NALCN: variants seen among roughly 807,000 people sequenced by gnomAD.
NALCN encodes sodium leak channel, non-selective, also known as sodium leak channel NALCN.
In NALCN, 111 loss-of-function variants were observed where a neutral mutation model predicts 225.3. The ratio of observed to expected loss-of-function variants is 0.49; its 90% CI spans 0.42 to 0.58. The LOEUF is 0.58. Ranked by LOEUF, NALCN falls within the 20% of genes least tolerant of loss-of-function variation. The pLI is 0.00. For missense variants in NALCN, 1,378 were observed against 2,202.4 expected, an observed-to-expected ratio of 0.63 and a Z score of 7.49; for synonymous variants, 764 against 769.0, an observed-to-expected ratio of 0.99 and a Z score of 0.11.
At chr13:101,376,353 T>C (rs2046688778) in intron 6 of NALCN, among the ~76,000 whole-genome samples, 1 of 151,888 alleles carries the variant, frequency 6.6e-6, no homozygotes, top group Non-Finnish European at 1.5e-5. Flanking sequence ...CTTTAAAAAT[T>C]GGACAAAACA....
chr13:101,347,463 A>G (rs2045777483), intron 6 of NALCN, among the ~76,000 whole-genome samples: 1 of 152,204 alleles, frequency 6.6e-6, no homozygotes, highest in Non-Finnish European at 1.5e-5. Context: ...CACATCGTGT[A>G]TATCTCCCCA....
Position 101,229,649 on chromosome 13 carries a change from A to G in NALCN, c.1435-65T>C, listed in dbSNP as rs190130215. ...CATTTATTTACACTGAATCTTAAAT[A>G]TATTCATACTAAAATATTATTTTAT... is the stretch of plus-strand genomic sequence containing the variant. On this transcript the variant is annotated intron_variant, in intron 12 of 43. Transcript: ENST00000251127. 2.5e-5 allele frequency: 32 copies of G among 1,261,920 alleles called. No homozygotes were observed. In the African/African-American group the frequency reaches 4.3e-4, roughly 17 times the overall value. 78.2% of individuals were successfully genotyped at this position (1,261,920 alleles called of 1,614,324 possible).
At chr13:101,178,673 T>C (rs1160507847) in intron 14 of NALCN, among the ~76,000 whole-genome samples, 2 of 152,136 alleles carry the variant, frequency 1.3e-5, no homozygotes, top group Admixed American at 1.3e-4. Flanking sequence ...TAATTTTCCT[T>C]TGGATAAAGG....
chr13:101,334,796 A>G (rs2045323388), intron 7 of NALCN, among the ~76,000 whole-genome samples: 1 of 152,162 alleles, frequency 6.6e-6, no homozygotes. Flanking sequence ...GGAAAGACTG[A>G]AAACCACTTA....
chr13:101,287,707 C>T (rs937706279), intron 9 of NALCN, among the ~76,000 whole-genome samples: 2 of 152,240 alleles, frequency 1.3e-5, no homozygotes, highest in Non-Finnish European at 2.9e-5. Flanking sequence ...CATTTGGAAG[C>T]GCATGGAGAT....
At chr13:101,362,948 A>C (rs184464371) in intron 6 of NALCN, among the ~76,000 whole-genome samples, 197 of 152,240 alleles carry the variant, frequency 1.3e-3, no homozygotes, top group African/African-American at 4.4e-3. Context: ...CCAACAGTGA[A>C]CAATCTGAAA....
chr13:101,413,627 G>A (rs1421547762), intron 1 of NALCN, among the ~76,000 whole-genome samples: 1 of 152,010 alleles, frequency 6.6e-6, no homozygotes, highest in Non-Finnish European at 1.5e-5. Flanking sequence ...CCCTTAAAAA[G>A]ACTACAAAAA....
chr13:101,219,299 C>T (rs934490486), intron 13 of NALCN, among the ~76,000 whole-genome samples: 2 of 152,092 alleles, frequency 1.3e-5, no homozygotes, highest in African/African-American at 4.8e-5. Flanking sequence ...GCAGACGCTT[C>T]TGATTGGATA....
intron 3 of NALCN, among the ~76,000 whole-genome samples, chr13:101,379,768 A>G (rs1369839359): frequency 2.0e-5 from 3 of 152,156 alleles, no homozygotes. Flanking sequence ...AACGTAGATG[A>G]CAGGTTGATG....
intron 30 of NALCN, among the ~76,000 whole-genome samples, chr13:101,087,383 G>A (rs2033984064): frequency 6.6e-6 from 1 of 151,830 alleles, no homozygotes; most frequent in Non-Finnish European, 1.5e-5. Context: ...TCAGTGTCAA[G>A]AGCAGCCTCT....
At chr13:101,413,401 T>C (rs1041130510) in intron 1 of NALCN, among the ~76,000 whole-genome samples, 1 of 152,098 alleles carries the variant, frequency 6.6e-6, no homozygotes, top group African/African-American at 2.4e-5. Context: ...GGACACTGTT[T>C]ATAATGATGA....
chr13:101,151,385 T>G (rs1208068780), intron 15 of NALCN, among the ~76,000 whole-genome samples: 1 of 152,222 alleles, frequency 6.6e-6, no homozygotes, highest in Non-Finnish European at 1.5e-5. Context: ...AAATAAAAAT[T>G]TTTGTAATTT....
intron 18 of NALCN, among the ~76,000 whole-genome samples, chr13:101,112,608 T>C (rs1003905657): frequency 1.3e-5 from 2 of 152,246 alleles, no homozygotes; most frequent in African/African-American, 4.8e-5. Context: ...GAGAAAGCCT[T>C]GCTCTGAAAG....
rs549692644 is a variant in NALCN, at chr13:101,355,902, A to G, written c.645-10482T>C. ...AACTCAGGATTAAGAAACTCACTCA[A>G]AACAACACAATTACAAGGAAATTGA... On this transcript the variant is annotated intron_variant, in intron 6 of 43. Coordinates refer to ENST00000251127, the MANE Select transcript of NALCN (RefSeq NM_052867.4). 9.9e-4 allele frequency among the ~76,000 whole-genome samples: 151 copies of G among 152,326 alleles called. 5 individuals carry two copies. The South Asian group carries it at 0.03, about 30-fold the overall frequency.
chr13:101,221,221 T>C (rs898216858), intron 13 of NALCN, among the ~76,000 whole-genome samples: 1 of 152,050 alleles, frequency 6.6e-6, no homozygotes, highest in East Asian at 1.9e-4. Flanking sequence ...CTGGTTCAAA[T>C]GATTCTCCTG....
Position 101,376,547 on chromosome 13 carries a change from C to T in NALCN, c.644+153G>A, listed in dbSNP as rs6491605. ...AAAATAAAATAAAATAAAATAAAAA[C>T]TGGACAAAAACAATACCGAGGAAGC... On this transcript the variant is annotated intron_variant, in intron 6 of 43. Transcript: ENST00000251127. Among the ~76,000 whole-genome samples the T allele has an allele frequency of 0.65, 98,216 of 151,812 alleles. 33,932 individuals carry two copies. The highest frequency in any genetic ancestry group is 0.89 in the African/African-American group (37,022 of 41,458).
intron 14 of NALCN, among the ~76,000 whole-genome samples, chr13:101,179,978 G>A (rs2039126264): frequency 6.6e-6 from 1 of 152,090 alleles, no homozygotes; most frequent in South Asian, 2.1e-4. Context: ...CCAGTCACAA[G>A]GCTTTCTCTC....
chr13:101,160,124 T>G (rs2038101222), intron 15 of NALCN, among the ~76,000 whole-genome samples: 1 of 151,924 alleles, frequency 6.6e-6, no homozygotes, highest in African/African-American at 2.4e-5. Flanking sequence ...CTGACTAATT[T>G]TTTGTATTTT....
chr13:101,306,177 C>T (rs1046280438), intron 7 of NALCN, among the ~76,000 whole-genome samples: 4 of 152,146 alleles, frequency 2.6e-5, no homozygotes, highest in Non-Finnish European at 4.4e-5. Context: ...CCAGAGCTCC[C>T]GAGGCTGCAG....
Sources: allele counts gnomAD v4.1 joint callset (sites outside exome capture counted in the v4.1 genomes callset), GRCh38; gene constraint gnomAD v4.1.1; transcripts MANE v1.5; gene names NCBI Gene and HGNC (gene_info 2026-07-23, HGNC 2026-07-21).